CCNK: variants seen among roughly 807,000 people sequenced by gnomAD.
CCNK encodes the protein cyclin K, also known as cyclin-K.
A neutral mutation model predicts 65.0 loss-of-function variants in CCNK; 9 were observed. The ratio of observed to expected loss-of-function variants is 0.14; its 90% CI spans 0.08 to 0.24. The LOEUF (loss-of-function observed/expected upper bound fraction) is 0.24. Ranked by LOEUF, CCNK falls within the 10% of genes least tolerant of loss-of-function variation. CCNK has a pLI of 1.00. For synonymous variants in CCNK, 279 were observed against 270.8 expected (o/e 1.03, Z -0.30); for missense variants, 474 against 720.0 (o/e 0.66, Z 3.91).
intron 3 of CCNK, 170 bp from the exon 4 acceptor site, chr14:99,495,328 A>G (rs1896678472): frequency 2.6e-6 from 1 of 384,088 alleles, no homozygotes; most frequent in Non-Finnish European, 4.6e-6. Flanking sequence ...TGGGGGATTT[A>G]TATGTATAAA....
At chr14:99,501,254 A>G (rs1860628755) in intron 5 of CCNK, 102 bp from the exon 6 acceptor site, 2 of 767,866 alleles carry the variant, frequency 2.6e-6, no homozygotes, top group African/African-American at 3.4e-5. Flanking sequence ...TTTGCTGTGT[A>G]TTTGAGTGGT....
rs1363849142 is a variant in CCNK at position 99,510,377 on chromosome 14, C to A, written c.1338C>A (p.Ser446Arg). 12 of 1,580,654 alleles carry A rather than the reference C, an allele frequency of 7.6e-6. No homozygotes were observed. The highest frequency in any genetic ancestry group is 1.0e-5 in the Non-Finnish European group (12 of 1,165,054). ...ACATGTCTGGAGAGGGCTACCAGAG[C>A]CTGCAGTCCATGATGAAGACCGAGG... The part of the protein sequence containing the change: ...SSYMSGEGYQ[S>R]LQSMMKTEGP... Residue 446 changes from serine to arginine, a missense_variant, in exon 11 of 11, where the codon AGC becomes AGA. By Grantham distance (110) the Ser-to-Arg change is moderately radical. This residue lies in a region of CCNK where 229 missense variants were observed against 275.5 expected (regional missense o/e 0.83). Coordinates refer to ENST00000389879, the MANE Select transcript of CCNK (RefSeq NM_001099402.2).
At chr14:99,486,376 TCC>T (rs1433481208) in intron 1 of CCNK, among the ~76,000 whole-genome samples, 1 of 152,220 alleles carries the variant, frequency 6.6e-6, no homozygotes, top group African/African-American at 2.4e-5. Flanking sequence ...TGGTGATTCT[TCC>T]TACTTGGTAC....
intron 1 of CCNK, among the ~76,000 whole-genome samples, chr14:99,490,709 C>T (rs557758865): frequency 7.9e-5 from 12 of 152,166 alleles, no homozygotes; most frequent in African/African-American, 7.2e-5. Flanking sequence ...AGGCGGATCA[C>T]GAGGTCAGGA....
At chr14:99,497,895 A>G (rs1476377962) in intron 4 of CCNK, among the ~76,000 whole-genome samples, 3 of 152,250 alleles carry the variant, frequency 2.0e-5, no homozygotes, top group African/African-American at 7.2e-5. Flanking sequence ...CATATTAACT[A>G]TAACCAAAAA....
chr14:99,503,536 G>C (rs1566752030), intron 8 of CCNK, 75 bp from the exon 9 acceptor site: 1 of 1,299,326 alleles, frequency 7.7e-7, no homozygotes, highest in East Asian at 2.5e-5. Flanking sequence ...GATTCTGGTG[G>C]TACCTGGATA....
At chr14:99,503,520 G>A (rs992861172) in intron 8 of CCNK, 91 bp from the exon 9 acceptor site, 76 of 1,129,622 alleles carry the variant, frequency 6.7e-5, no homozygotes, top group Non-Finnish European at 7.4e-5. Flanking sequence ...AGTGACTGCC[G>A]TCGCTGATTC....
intron 8 of CCNK, chr14:99,503,280 T>G: frequency 1.6e-6 from 1 of 621,524 alleles, no homozygotes; most frequent in Non-Finnish European, 2.9e-6. Context: ...GCAGTGTCGT[T>G]GTGCATGCTG....
At position 99,502,953 on chromosome 14, in the gene CCNK, C is replaced by T; in HGVS notation, c.980C>T (p.Pro327Leu). The T allele has an allele frequency of 6.2e-7, 1 of 1,613,942 alleles. No individual in the cohort carries two copies. ...AQQPKKPSPQ[P>L]SSPRQVKRAV... ...CAGCCCAAGAAACCCTCTCCGCAGC[C>T]CAGTTCTCCCCGACAGGTTAAGCGA... The change falls in exon 8 of 11, where the codon CCC (proline) becomes CTC (leucine). Residue 327 changes from proline (P) to leucine (L), a missense_variant. Physicochemically the swap from Pro to Leu is moderately conservative, Grantham distance 98. Transcript: ENST00000389879.
At chr14:99,503,199 G>A (rs1260735515) in intron 8 of CCNK, 10 of 701,980 alleles carry the variant, frequency 1.4e-5, no homozygotes, top group African/African-American at 3.5e-5. Flanking sequence ...CTCTCTGCCC[G>A]GCTCCAGCCC....
rs1005029152 is a variant in CCNK at position 99,511,979 on chromosome 14, C to T, written c.*1197C>T. 2 of 152,270 alleles carry T rather than the reference C, an allele frequency of 1.3e-5. No individual in the cohort carries two copies. The highest frequency in any genetic ancestry group is 4.8e-5 in the African/African-American group (2 of 41,464). 9.4% of individuals were successfully genotyped at this position (152,270 alleles called of 1,614,324 possible). On this transcript the variant is annotated 3_prime_UTR_variant, in exon 11 of 11. Coordinates refer to ENST00000389879, the MANE Select transcript of CCNK (RefSeq NM_001099402.2). ...GGTGCTTGAGGGGCCTTGGCCCTGTCTCTGCCTGCTGACCCTGCCACCCAC... is the reference window on the plus strand; with the variant it reads ...GGTGCTTGAGGGGCCTTGGCCCTGTTTCTGCCTGCTGACCCTGCCACCCAC...
intron 4 of CCNK, among the ~76,000 whole-genome samples, chr14:99,497,802 A>G (rs1896734138): frequency 6.6e-6 from 1 of 152,244 alleles, no homozygotes; most frequent in African/African-American, 2.4e-5. Flanking sequence ...GTATTTTCTA[A>G]GTATTGCCAA....
Position 99,495,485 on chromosome 14 carries a change from G to C in CCNK, c.280-13G>C. ...TTGATAACAAAAATCAAGAACTTTT[G>C]TTTCCCTTTTAGGTGACAGGAGCCT... is the stretch of plus-strand genomic sequence containing the variant. On this transcript the variant is annotated splice_polypyrimidine_tract_variant and intron_variant, in intron 3 of 10. Coordinates refer to ENST00000389879, the MANE Select transcript of CCNK (RefSeq NM_001099402.2). The C allele has an allele frequency of 1.3e-6, 2 of 1,595,686 alleles. No individual in the cohort carries two copies.
intron 1 of CCNK, among the ~76,000 whole-genome samples, chr14:99,483,049 A>T (rs1896393557): frequency 6.6e-6 from 1 of 152,228 alleles, no homozygotes; most frequent in South Asian, 2.1e-4. Flanking sequence ...TTATTCTTAG[A>T]TTTTGAAAAA....
In CCNK at chr14:99,512,193, G is replaced by A. The variant is rs750904592; in HGVS notation, c.*1411G>A. 8.5e-5 allele frequency: 13 copies of A among 152,188 alleles called. No homozygotes were observed. Among genetic ancestry groups the A allele is most frequent in the Non-Finnish European group, 1.5e-4 (10 of 68,030 alleles). 9.4% of individuals were successfully genotyped at this position (152,188 alleles called of 1,614,324 possible). On this transcript the variant is annotated 3_prime_UTR_variant, in exon 11 of 11. Transcript: ENST00000389879. The stretch of plus-strand genomic sequence containing the variant: ...CTCCCCACGTCAGAGTGGTTGAATA[G>A]AAGGTAGAAACAGGCCGGGAGTCCA...
chr14:99,486,461 ATAGTT>A (rs1896488013), intron 1 of CCNK, among the ~76,000 whole-genome samples: 1 of 152,190 alleles, frequency 6.6e-6, no homozygotes, highest in African/African-American at 2.4e-5. Flanking sequence ...ACATGACTTT[ATAGTT>A]ATCACCTCTG....
chr14:99,511,232 C>T lies in CCNK; in HGVS notation c.*450C>T, dbSNP rs969107026. 1 of 153,054 alleles carries T rather than the reference C, an allele frequency of 6.5e-6. No individual in the cohort carries two copies. The highest frequency in any genetic ancestry group is 1.5e-5 in the Non-Finnish European group (1 of 68,684). 9.5% of individuals were successfully genotyped at this position (153,054 alleles called of 1,614,324 possible). On this transcript the variant is annotated 3_prime_UTR_variant, in exon 11 of 11. Coordinates refer to ENST00000389879, the MANE Select transcript of CCNK (RefSeq NM_001099402.2). Reference sequence around the variant, plus strand: ...TCGGTGACATTCTCTCCCATGACACCCAGAAGGGGCAGAAGAACCACATTT... The same window carrying T: ...TCGGTGACATTCTCTCCCATGACACTCAGAAGGGGCAGAAGAACCACATTT...
intron 1 of CCNK, among the ~76,000 whole-genome samples, chr14:99,487,052 A>G (rs1347277987): frequency 6.6e-6 from 1 of 152,224 alleles, no homozygotes; most frequent in Non-Finnish European, 1.5e-5. Flanking sequence ...GAAAAAGTAC[A>G]TGGAAAACTG....
chr14:99,490,821 G>A lies in CCNK; in HGVS notation c.-52-1805G>A, dbSNP rs552836312. Among the ~76,000 whole-genome samples the A allele has an allele frequency of 9.3e-4, 141 of 151,882 alleles. 1 individual carries two copies. Among genetic ancestry groups the A allele is most frequent in the African/African-American group, 3.3e-3 (136 of 41,416 alleles). The stretch of plus-strand genomic sequence containing the variant: ...CGGGCGCCTGTAGTCCCAGCTACTC[G>A]GGAGGCTGAGGCAGGAGAATGGCGT... On this transcript the variant is annotated intron_variant, in intron 1 of 10. Coordinates refer to ENST00000389879, the MANE Select transcript of CCNK (RefSeq NM_001099402.2).
Sources: allele counts gnomAD v4.1 joint callset (sites outside exome capture counted in the v4.1 genomes callset), GRCh38; gene constraint gnomAD v4.1.1; regional missense constraint gnomAD v4.1.1; transcripts MANE v1.5; gene names NCBI Gene and HGNC (gene_info 2026-07-23, HGNC 2026-07-21).